RYR1: variants seen among roughly 807,000 people sequenced by gnomAD.
RYR1 encodes the protein central core disease of muscle.
In RYR1, 342 loss-of-function variants were observed where a neutral mutation model predicts 583.5. The ratio of observed to expected loss-of-function variants is 0.59; its 90% CI spans 0.54 to 0.64. RYR1 has a LOEUF of 0.64. Among genes scored for constraint, RYR1 ranks in the 30% least tolerant of loss-of-function variants. RYR1 has a pLI of 0.00. For synonymous variants in RYR1, 2,791 were observed against 2,822.5 expected (o/e 0.99, Z 0.35); for missense variants, 6,032 against 6,917.2 (o/e 0.87, Z 4.54).
rs552470353 is a variant in RYR1 at position 38,516,156 on chromosome 19, G to A, written c.9624G>A (p.Pro3208=). 4.5e-6 allele frequency: 7 copies of A among 1,557,258 alleles called. No homozygotes were observed. Among genetic ancestry groups the A allele is most frequent in the African/African-American group, 2.7e-5 (2 of 73,450 alleles). The stretch of plus-strand genomic sequence containing the variant: ...CCATGCCGGTGGCGTTCCTGGAGCC[G>A]CAGCTGAACGAGTACAACGCCTGCT... ...AAAMPVAFLE[P]QLNEYNACSV... is the part of the protein sequence containing the mutation. Residue 3208 remains proline (P), a synonymous_variant, in exon 65 of 106, where the codon CCG becomes CCA. Transcript: ENST00000359596.
At chr19:38,452,730 G>A in intron 12 of RYR1, 89 bp from the exon 13 acceptor site, 1 of 1,224,606 alleles carries the variant, frequency 8.2e-7, no homozygotes, top group Non-Finnish European at 1.1e-6. Flanking sequence ...GGGTGGGTCT[G>A]GGGGAGTCTT....
At position 38,587,530 on chromosome 19, in the gene RYR1, T is replaced by C; in HGVS notation, c.*110T>C. 2.4e-6 allele frequency: 2 copies of C among 831,418 alleles called. No individual in the cohort carries two copies. Among genetic ancestry groups the C allele is most frequent in the Admixed American group, 2.0e-5 (1 of 50,160 alleles). 51.5% of individuals were successfully genotyped at this position (831,418 alleles called of 1,614,324 possible). On this transcript the variant is annotated 3_prime_UTR_variant, in exon 106 of 106. Coordinates refer to ENST00000359596, the MANE Select transcript of RYR1 (RefSeq NM_000540.3). Reference sequence around the variant, plus strand: ...GGCAGCTGGGGGAGAGGTGACCTAGTACTGGAAAATAAATCTGTGCTACGC... The same window carrying C: ...GGCAGCTGGGGGAGAGGTGACCTAGCACTGGAAAATAAATCTGTGCTACGC...
At position 38,484,378 on chromosome 19, in the gene RYR1, T is replaced by TC. The variant is rs1429468527; in HGVS notation, c.4934+864dup. On this transcript the variant is annotated intron_variant, in intron 33 of 105. Transcript: ENST00000359596. Reference sequence around the variant, plus strand: ...CTCTTTCTTTCTTTCCTTCCTTCCTTCCTCCCTCCTTCCCTCTCTCCTTCC... The same window carrying TC: ...CTCTTTCTTTCTTTCCTTCCTTCCTTCCCTCCCTCCTTCCCTCTCTCCTTCC... Among the ~76,000 whole-genome samples, 141 of 150,672 alleles carry TC rather than the reference T, an allele frequency of 9.4e-4. 1 individual carries two copies. The highest frequency in any genetic ancestry group is 1.6e-3 in the Non-Finnish European group (109 of 67,628).
intron 47 of RYR1, among the ~76,000 whole-genome samples, chr19:38,501,677 C>A (rs1208729606): frequency 6.6e-6 from 1 of 152,044 alleles, no homozygotes; most frequent in Non-Finnish European, 1.5e-5. Context: ...GGGACAGAAG[C>A]CTTCCGAGAG....
intron 71 of RYR1, among the ~76,000 whole-genome samples, chr19:38,525,757 A>G (rs1277167254): frequency 6.6e-6 from 1 of 151,882 alleles, no homozygotes; most frequent in Non-Finnish European, 1.5e-5. Flanking sequence ...GAAAAGCTCT[A>G]GGACCCCTGG....
At chr19:38,545,265 T>G (rs887993930) in intron 87 of RYR1, among the ~76,000 whole-genome samples, 3 of 151,714 alleles carry the variant, frequency 2.0e-5, no homozygotes, top group Non-Finnish European at 4.4e-5. Flanking sequence ...CAGGTGAAAA[T>G]TGAGGGATTG....
intron 5 of RYR1, 144 bp downstream of exon 5, chr19:38,443,940 G>C: frequency 1.2e-6 from 1 of 852,636 alleles, no homozygotes; most frequent in Non-Finnish European, 1.9e-6. Flanking sequence ...CTGCGGTACA[G>C]TCCAGACAGG....
Position 38,433,746 on chromosome 19 carries a change from G to GCCCCCCCCCCCCCC in RYR1, c.-81_-80insCCCCCCCCCCCCCC. 1 of 520,726 alleles carries GCCCCCCCCCCCCCC rather than the reference G, an allele frequency of 1.9e-6. No homozygotes were observed. The highest frequency in any genetic ancestry group is 3.7e-6 in the Non-Finnish European group (1 of 269,356). 32.3% of individuals were successfully genotyped at this position (520,726 alleles called of 1,614,324 possible). On this transcript the variant is annotated 5_prime_UTR_variant, in exon 1 of 106. Transcript: ENST00000359596. ...GTGTCTCCAGAGGTCTCCGACCCCA[G>GCCCCCCCCCCCCCC]CCCGCCCCCAGCCCTCCCGCCCAGC...
Position 38,527,727 on chromosome 19 carries a change from C to T in RYR1, c.10767C>T (p.Pro3589=), listed in dbSNP as rs771849776. The change falls in exon 73 of 106, where the codon CCC becomes CCT. Residue 3589 remains proline (P), a synonymous_variant. Transcript: ENST00000359596. ...VPGREEDADD[P]EKIVRRVQEV... ...GTCGCGAGGAGGACGCCGATGACCC[C>T]GAGAAAATCGTGCGCAGAGTCCAGG... 2.9e-5 allele frequency: 47 copies of T among 1,613,990 alleles called. 1 individual carries two copies. The highest frequency in any genetic ancestry group is 2.4e-4 in the South Asian group (22 of 91,080).
In RYR1 at chr19:38,548,260, G is replaced by A. The variant is rs1466980845; in HGVS notation, c.12122G>A (p.Arg4041Gln). Reference protein sequence around the residue: ...EGNVVNGMIARQMVDMLVESS... With the variant: ...EGNVVNGMIAQQMVDMLVESS... ...AACGTGGTGAACGGCATGATCGCCC[G>A]GCAGATGGTGGACATGCTCGTGGAA... The change falls in exon 89 of 106, where the codon CGG (arginine) becomes CAG (glutamine). Residue 4041 changes from arginine to glutamine, a missense_variant. Physicochemically the swap from Arg to Gln is conservative, Grantham distance 43 (BLOSUM62 1). Coordinates refer to ENST00000359596, the MANE Select transcript of RYR1 (RefSeq NM_000540.3). 3 of 1,614,228 alleles carry A rather than the reference G, an allele frequency of 1.9e-6. No homozygotes were observed. Among genetic ancestry groups the A allele is most frequent in the African/African-American group, 2.7e-5 (2 of 75,066 alleles).
intron 84 of RYR1, among the ~76,000 whole-genome samples, chr19:38,541,685 C>G (rs1231048120): frequency 6.6e-6 from 1 of 151,870 alleles, no homozygotes; most frequent in Admixed American, 6.6e-5. Context: ...CACTGCACTC[C>G]AGCCTGGGTG....
chr19:38,456,654 T>A (rs534778684), intron 16 of RYR1, among the ~76,000 whole-genome samples: 56 of 152,092 alleles, frequency 3.7e-4, no homozygotes, highest in Non-Finnish European at 7.9e-4. Flanking sequence ...ATACACACAC[T>A]CTGTAGTTTG....
In RYR1 at chr19:38,528,403, T is replaced by C. The variant is rs1555791151; in HGVS notation, c.10922T>C (p.Leu3641Pro). 1 of 1,614,090 alleles carries C rather than the reference T, an allele frequency of 6.2e-7. No homozygotes were observed. Among genetic ancestry groups the C allele is most frequent in the Non-Finnish European group, 8.5e-7 (1 of 1,180,006 alleles). ...GTGGCCTGTTTCCGTATGACGCCCC[T>C]GTACAACCTGCCCACGTAAGGCCCC... ...AVVACFRMTP[L>P]YNLPTHRACN... Residue 3641 changes from leucine to proline, a missense_variant, in exon 74 of 106, where the codon CTG becomes CCG. By Grantham distance (98) the Leu-to-Pro change is moderately conservative (BLOSUM62 -3). This residue lies in a region of RYR1 where 1,493 missense variants were observed against 1,715.5 expected (regional missense o/e 0.87). Transcript: ENST00000359596.
intron 93 of RYR1, among the ~76,000 whole-genome samples, chr19:38,570,212 C>T (rs1264510961): frequency 2.6e-5 from 4 of 151,798 alleles, no homozygotes; most frequent in Non-Finnish European, 5.9e-5. Context: ...AATCCCAGCA[C>T]TTAGGCTGAG....
intron 76 of RYR1, among the ~76,000 whole-genome samples, chr19:38,529,889 T>G (rs1971654360): frequency 6.6e-6 from 1 of 152,206 alleles, no homozygotes; most frequent in Non-Finnish European, 1.5e-5. Context: ...TCCTCTCACT[T>G]AACCGCCACA....
rs116597181 is a variant in RYR1, at chr19:38,531,122, C to T, written c.11142-1368C>T. Among the ~76,000 whole-genome samples the T allele has an allele frequency of 4.6e-3, 694 of 152,074 alleles. 4 individuals are homozygous for T. The highest frequency in any genetic ancestry group is 0.016 in the African/African-American group (664 of 41,494). On this transcript the variant is annotated intron_variant, in intron 76 of 105. Coordinates refer to ENST00000359596, the MANE Select transcript of RYR1 (RefSeq NM_000540.3). Reference sequence around the variant, plus strand: ...GTGCTGGGATTACAGGCACGAGCCACCGCGCCCAGCCTTCTTTGGTCTCTT... The same window carrying T: ...GTGCTGGGATTACAGGCACGAGCCATCGCGCCCAGCCTTCTTTGGTCTCTT...
intron 84 of RYR1, among the ~76,000 whole-genome samples, chr19:38,540,254 C>G (rs1013306825): frequency 1.3e-5 from 2 of 151,408 alleles, no homozygotes; most frequent in East Asian, 3.9e-4. Context: ...GCAGGAGGAT[C>G]ACTTGAGCCC....
At chr19:38,487,949 A>T (rs1170947289) in intron 34 of RYR1, among the ~76,000 whole-genome samples, 1 of 152,058 alleles carries the variant, frequency 6.6e-6, no homozygotes, top group East Asian at 1.9e-4. Context: ...GTTTTTATTT[A>T]TTATTTTTAA....
intron 100 of RYR1, 76 bp downstream of exon 100, chr19:38,580,204 C>T (rs1345073042): frequency 6.2e-6 from 10 of 1,607,708 alleles, no homozygotes; most frequent in East Asian, 4.5e-5. Context: ...GGATAAGGGC[C>T]GGGCAGCTGG....
Sources: gnomAD v4.1 joint callset for allele counts (sites outside exome capture counted in the v4.1 genomes callset) on GRCh38, gnomAD v4.1.1 for gene constraint, gnomAD v4.1.1 regional missense constraint, MANE v1.5 for transcripts, NCBI Gene and HGNC (gene_info 2026-07-23, HGNC 2026-07-21) for gene names.